Variants in SIPA1L1 observed in about 807,000 individuals in gnomAD.
The protein encoded by SIPA1L1 is signal induced proliferation associated 1 like 1, also known as signal-induced proliferation-associated 1-like protein 1.
Under a neutral mutation model 162.7 loss-of-function variants are expected in SIPA1L1, and 26 were observed. The ratio of observed to expected loss-of-function variants is 0.16; its 90% CI spans 0.12 to 0.22. SIPA1L1 has a LOEUF of 0.22. Ranked by LOEUF, SIPA1L1 falls within the 10% of genes least tolerant of loss-of-function variation. The pLI is 1.00. For missense variants in SIPA1L1, 1,874 were observed against 2,241.0 expected (o/e 0.84, Z 3.31); for synonymous variants, 829 against 837.4 (o/e 0.99, Z 0.17).
In SIPA1L1 at chr14:71,545,577, TTGTGTG is replaced by T. The variant is rs58582108; in HGVS notation, c.-303+16227_-303+16232del. 3.6e-4 allele frequency among the ~76,000 whole-genome samples: 53 copies of T among 148,728 alleles called. 1 individual carries two copies. In the East Asian group the frequency reaches 6.6e-3, roughly 19 times the overall value. On this transcript the variant is annotated intron_variant, in intron 4 of 23. Transcript: ENST00000381232. ...CCTAAATTCAGTTGCTAGTTCTAAT[TTGTGTG>T]TGTGTGTGTGTGTGTGTGTAGTTGT...
At chr14:71,430,632 A>G (rs984167313) in intron 2 of SIPA1L1, among the ~76,000 whole-genome samples, 5 of 152,224 alleles carry the variant, frequency 3.3e-5, no homozygotes, top group Non-Finnish European at 4.4e-5. Context: ...CAGATGAGAA[A>G]ACTGAGGCTG....
intron 4 of SIPA1L1, among the ~76,000 whole-genome samples, chr14:71,535,008 A>G (rs2053769276): frequency 6.6e-6 from 1 of 152,252 alleles, no homozygotes; most frequent in Non-Finnish European, 1.5e-5. Flanking sequence ...AAAATAATAC[A>G]TACTGGTAAA....
At chr14:71,386,832 T>TA (rs776821575) in intron 2 of SIPA1L1, among the ~76,000 whole-genome samples, 3 of 152,236 alleles carry the variant, frequency 2.0e-5, no homozygotes, top group Non-Finnish European at 4.4e-5. Flanking sequence ...TGAGGCTGTG[T>TA]AAGGTTTAAC....
chr14:71,541,617 A>G (rs558468754), intron 4 of SIPA1L1, among the ~76,000 whole-genome samples: 1 of 152,146 alleles, frequency 6.6e-6, no homozygotes, highest in African/African-American at 2.4e-5. Context: ...GAATTAAAAA[A>G]TAAAAATTAG....
chr14:71,566,335 T>G (rs1252388353), intron 4 of SIPA1L1, among the ~76,000 whole-genome samples: 2 of 152,224 alleles, frequency 1.3e-5, no homozygotes, highest in Non-Finnish European at 2.9e-5. Flanking sequence ...ATATTAAAAA[T>G]AATTTAAAGT....
Position 71,624,043 on chromosome 14 carries a change from T to C in SIPA1L1, c.1630-5T>C. On this transcript the variant is annotated splice_polypyrimidine_tract_variant and splice_region_variant and intron_variant, in intron 6 of 23. Coordinates refer to ENST00000381232, the MANE Select transcript of SIPA1L1 (RefSeq NM_001386936.1). Reference sequence around the variant, plus strand: ...GCCTCACCACAGCACCTGTCTCTCTTGCAGCTCATGACACTGAGAGGTTCG... The same window carrying C: ...GCCTCACCACAGCACCTGTCTCTCTCGCAGCTCATGACACTGAGAGGTTCG... The C allele has an allele frequency of 4.4e-6, 7 of 1,592,284 alleles. No individual in the cohort carries two copies. Among genetic ancestry groups the C allele is most frequent in the Non-Finnish European group, 6.0e-6 (7 of 1,167,958 alleles).
chr14:71,476,691 T>G (rs558117770), intron 2 of SIPA1L1, among the ~76,000 whole-genome samples: 1 of 150,276 alleles, frequency 6.7e-6, no homozygotes, highest in East Asian at 2.0e-4. Context: ...ATTTATTTAT[T>G]TTTTGAGATG....
At chr14:71,449,584 T>C (rs1950474254) in intron 2 of SIPA1L1, among the ~76,000 whole-genome samples, 1 of 152,212 alleles carries the variant, frequency 6.6e-6, no homozygotes. Flanking sequence ...GTTATGTGAT[T>C]TTAATAGAAA....
chr14:71,717,989 G>A (rs1169062551), intron 17 of SIPA1L1, among the ~76,000 whole-genome samples: 1 of 152,186 alleles, frequency 6.6e-6, no homozygotes, highest in East Asian at 1.9e-4. Flanking sequence ...CTGCTGCCGC[G>A]ACTTCACCTT....
intron 2 of SIPA1L1, among the ~76,000 whole-genome samples, chr14:71,461,661 A>G (rs529919642): frequency 1.3e-5 from 2 of 152,340 alleles, no homozygotes; most frequent in East Asian, 3.9e-4. Flanking sequence ...CAGCCTATGA[A>G]TCAGTATATA....
chr14:71,351,467 C>T (rs909857949), intron 2 of SIPA1L1, among the ~76,000 whole-genome samples: 1 of 152,168 alleles, frequency 6.6e-6, no homozygotes, highest in Non-Finnish European at 1.5e-5. Context: ...CCCTTTGTTA[C>T]TTTTATTTGC....
chr14:71,451,540 T>A (rs2045820504), intron 2 of SIPA1L1, among the ~76,000 whole-genome samples: 1 of 145,712 alleles, frequency 6.9e-6, no homozygotes, highest in African/African-American at 2.6e-5. Context: ...GGGACTGAAG[T>A]GGGAGGATCA....
intron 2 of SIPA1L1, among the ~76,000 whole-genome samples, chr14:71,433,753 A>C (rs1419378316): frequency 6.6e-6 from 1 of 152,224 alleles, no homozygotes; most frequent in African/African-American, 2.4e-5. Context: ...TTCATTGAAA[A>C]GGATTTTAAT....
rs1054391796 is a variant in SIPA1L1 at position 71,377,980 on chromosome 14, G to A, written c.-465+56799G>A. On this transcript the variant is annotated intron_variant, in intron 2 of 23. Transcript: ENST00000381232. The surrounding 1 kb of genome is among the most constrained non-coding windows in gnomAD (Gnocchi z 4.8). ...ACCGTGGAAAGCAGGAGATGGAGAC[G>A]AGGGAGAGGGGGAGACAGTGGAAAG... Among the ~76,000 whole-genome samples the A allele has an allele frequency of 3.3e-5, 5 of 152,292 alleles. 1 individual carries two copies. The highest frequency in any genetic ancestry group is 2.6e-4 in the Admixed American group (4 of 15,304).
chr14:71,407,815 T>G (rs1430782393), intron 2 of SIPA1L1, among the ~76,000 whole-genome samples: 1 of 152,212 alleles, frequency 6.6e-6, no homozygotes, highest in Non-Finnish European at 1.5e-5. Context: ...CTTTTTCTTT[T>G]TAGAAAGGAC....
At chr14:71,436,516 C>T (rs1387941344) in intron 2 of SIPA1L1, among the ~76,000 whole-genome samples, 1 of 152,100 alleles carries the variant, frequency 6.6e-6, no homozygotes, top group Non-Finnish European at 1.5e-5. Context: ...TTTATCTTTT[C>T]CACACTGATG....
intron 15 of SIPA1L1, chr14:71,704,931 C>T (rs2082334853): frequency 1.5e-6 from 1 of 660,280 alleles, no homozygotes; most frequent in African/African-American, 1.8e-5. Flanking sequence ...TCCCCCAAAC[C>T]AAAAGTTGAT....
chr14:71,409,795 G>C (rs1200769158), intron 2 of SIPA1L1, among the ~76,000 whole-genome samples: 1 of 152,172 alleles, frequency 6.6e-6, no homozygotes, highest in Admixed American at 6.5e-5. Flanking sequence ...AGTGTTATCT[G>C]TAGTGTTCTT....
intron 13 of SIPA1L1, among the ~76,000 whole-genome samples, chr14:71,691,749 CCTT>C (rs771890588): frequency 4.6e-5 from 7 of 152,280 alleles, no homozygotes; most frequent in South Asian, 2.1e-4. Context: ...ACCTTCCACT[CCTT>C]CTTTTGACTG....
Sources: allele counts gnomAD v4.1 joint callset (sites outside exome capture counted in the v4.1 genomes callset), GRCh38; gene constraint gnomAD v4.1.1; non-coding constraint Gnocchi (gnomAD v3.1); transcripts MANE v1.5; gene names NCBI Gene and HGNC (gene_info 2026-07-23, HGNC 2026-07-21).